NECTIN1: variants seen among roughly 807,000 people sequenced by gnomAD.
NECTIN1 encodes the protein nectin-1.
In NECTIN1, 23 loss-of-function variants were observed where a neutral mutation model predicts 48.0. That is an observed-to-expected ratio of 0.48 (90% CI 0.34 to 0.68). The LOEUF (loss-of-function observed/expected upper bound fraction) is 0.68. Among genes scored for constraint, NECTIN1 ranks in the 30% least tolerant of loss-of-function variants. NECTIN1 has a pLI of 0.01. For synonymous variants in NECTIN1, 270 were observed against 288.9 expected, an observed-to-expected ratio of 0.93 and a Z score of 0.66; for missense variants, 591 against 709.9, an observed-to-expected ratio of 0.83 and a Z score of 1.90.
intron 5 of NECTIN1, among the ~76,000 whole-genome samples, chr11:119,671,832 CG>C (rs1349611543): frequency 6.6e-6 from 1 of 152,316 alleles, no homozygotes; most frequent in African/African-American, 2.4e-5. Flanking sequence ...CCCAGAGGCA[CG>C]GATGCAGCTG....
At chr11:119,724,592 T>C (rs1356662735) in intron 1 of NECTIN1, among the ~76,000 whole-genome samples, 1 of 152,224 alleles carries the variant, frequency 6.6e-6, no homozygotes, top group African/African-American at 2.4e-5. Context: ...TTCTCAAGTC[T>C]GGACCACTCA....
At position 119,664,593 on chromosome 11, in the gene NECTIN1, T is replaced by C. The variant is rs1485376276; in HGVS notation, c.*154A>G. 5 of 1,434,108 alleles carry C rather than the reference T, an allele frequency of 3.5e-6. No homozygotes were observed. The highest frequency in any genetic ancestry group is 2.9e-5 in the African/African-American group (2 of 67,808). The allele number at this position is 1,434,108 out of a possible 1,614,324, so 88.8% of individuals were successfully genotyped here. On this transcript the variant is annotated 3_prime_UTR_variant, in exon 6 of 6. Coordinates refer to ENST00000264025, the MANE Select transcript of NECTIN1 (RefSeq NM_002855.5). ...ACACAAAGCCAAGTCGTGGCTGCCCTGGGCTCCCCTGGCCCCCCAGGAGTT... is the reference window on the plus strand; with the variant it reads ...ACACAAAGCCAAGTCGTGGCTGCCCCGGGCTCCCCTGGCCCCCCAGGAGTT...
In NECTIN1 at chr11:119,662,658, G is replaced by T; in HGVS notation, c.*2089C>A. 7 of 985,692 alleles carry T rather than the reference G, an allele frequency of 7.1e-6. No homozygotes were observed. The highest frequency in any genetic ancestry group is 7.2e-6 in the Non-Finnish European group (6 of 829,992). The allele number at this position is 985,692 out of a possible 1,614,324, so 61.1% of individuals were successfully genotyped here. On this transcript the variant is annotated 3_prime_UTR_variant, in exon 6 of 6. Coordinates refer to ENST00000264025, the MANE Select transcript of NECTIN1 (RefSeq NM_002855.5). This position sits in a 1 kb window ranked among gnomAD's most constrained non-coding sequence, Gnocchi z 5.3. ...CCTGCCTGGGGGAAAAGGGGACCAAGCAGAGGGGCCAGAGTGTTGTAAGGT... is the reference window on the plus strand; with the variant it reads ...CCTGCCTGGGGGAAAAGGGGACCAATCAGAGGGGCCAGAGTGTTGTAAGGT...
At position 119,663,949 on chromosome 11, in the gene NECTIN1, CAT is replaced by C. The variant is rs1864714043; in HGVS notation, c.*796_*797del. The C allele has an allele frequency of 5.1e-6, 5 of 986,496 alleles. No individual in the cohort carries two copies. Among genetic ancestry groups the C allele is most frequent in the Non-Finnish European group, 6.0e-6 (5 of 830,852 alleles). The allele number at this position is 986,496 out of a possible 1,614,324, so 61.1% of individuals were successfully genotyped here. On this transcript the variant is annotated 3_prime_UTR_variant, in exon 6 of 6. Transcript: ENST00000264025. The stretch of plus-strand genomic sequence containing the variant: ...AGCAGGCAGAGAGGAGCAGTGTGTG[CAT>C]GTGTGTGTGTGTGCACGTGTCAGCA...
chr11:119,690,402 G>A (rs1478150836), intron 1 of NECTIN1, among the ~76,000 whole-genome samples: 2 of 152,090 alleles, frequency 1.3e-5, no homozygotes, highest in Non-Finnish European at 1.5e-5. Flanking sequence ...ACAGACCTCC[G>A]AGCTGGGGGG....
intron 5 of NECTIN1, among the ~76,000 whole-genome samples, chr11:119,647,392 C>T (rs959985849): frequency 6.6e-5 from 10 of 152,014 alleles, no homozygotes; most frequent in South Asian, 6.2e-4. Flanking sequence ...TGAGCAAGGC[C>T]GACTCTGAAC....
rs895336287 is a variant in NECTIN1 at position 119,663,726 on chromosome 11, G to C, written c.*1021C>G. 3.0e-6 allele frequency: 3 copies of C among 985,380 alleles called. No homozygotes were observed. Among genetic ancestry groups the C allele is most frequent in the Admixed American group, 6.1e-5 (1 of 16,270 alleles). 61.0% of individuals were successfully genotyped at this position (985,380 alleles called of 1,614,324 possible). ...GTTGCTAGATAAGGGAGAAATCAGA[G>C]AAACCTCCACGCTGTAAGAAGCAGT... On this transcript the variant is annotated 3_prime_UTR_variant, in exon 6 of 6. Transcript: ENST00000264025.
chr11:119,700,850 T>A (rs964781045), intron 1 of NECTIN1, among the ~76,000 whole-genome samples: 2 of 152,084 alleles, frequency 1.3e-5, no homozygotes, highest in African/African-American at 4.8e-5. Context: ...AGAAAAGGCA[T>A]CAACTCTGCG....
rs1221143065 is a variant in NECTIN1 at position 119,663,284 on chromosome 11, C to T, written c.*1463G>A. ...GGGAGCAGATGGAGGAACTGAGGCA[C>T]TTTGAGCTGGGGGACTGAGAGGGCT... On this transcript the variant is annotated 3_prime_UTR_variant, in exon 6 of 6. Coordinates refer to ENST00000264025, the MANE Select transcript of NECTIN1 (RefSeq NM_002855.5). 1 of 985,414 alleles carries T rather than the reference C, an allele frequency of 1.0e-6. No individual in the cohort carries two copies. Among genetic ancestry groups the T allele is most frequent in the East Asian group, 1.1e-4 (1 of 8,818 alleles). The allele number at this position is 985,414 out of a possible 1,614,324, so 61.0% of individuals were successfully genotyped here.
At position 119,682,674 on chromosome 11, in the gene NECTIN1, TAA is replaced by T. The variant is rs528487734; in HGVS notation, c.80-3911_80-3910del. On this transcript the variant is annotated intron_variant, in intron 1 of 5. Coordinates refer to ENST00000264025, the MANE Select transcript of NECTIN1 (RefSeq NM_002855.5). Reference sequence around the variant, plus strand: ...CTGCCCTATAAAACTGCGTAAGGATTAAAAGAGGGAGTCCATGGGAAACTCAG... The same window carrying T: ...CTGCCCTATAAAACTGCGTAAGGATTAAGAGGGAGTCCATGGGAAACTCAG... Among the ~76,000 whole-genome samples, 13 of 152,284 alleles carry T rather than the reference TAA, an allele frequency of 8.5e-5. No homozygotes were observed. The South Asian group carries it at 2.7e-3, about 32-fold the overall frequency.
At chr11:119,685,335 C>T (rs1012588820) in intron 1 of NECTIN1, among the ~76,000 whole-genome samples, 14 of 152,236 alleles carry the variant, frequency 9.2e-5, no homozygotes, top group Admixed American at 5.9e-4. Context: ...AGCTGGCGCC[C>T]GGCGCCTTGG....
intron 5 of NECTIN1, among the ~76,000 whole-genome samples, chr11:119,653,355 A>G (rs1349102234): frequency 6.6e-6 from 1 of 152,226 alleles, no homozygotes; most frequent in Non-Finnish European, 1.5e-5. Context: ...ATTAAACTGT[A>G]GAAGGCACTG....
In NECTIN1 at chr11:119,663,597, G is replaced by GTTT. The variant is rs1864707039; in HGVS notation, c.*1149_*1150insAAA. On this transcript the variant is annotated 3_prime_UTR_variant, in exon 6 of 6. Transcript: ENST00000264025. ...TGTGTTTGCAGAGCTTCTGCCATGT[G>GTTT]GGCTTCCTTCCCCACTACCCTCCGT... 1 of 985,488 alleles carries GTTT rather than the reference G, an allele frequency of 1.0e-6. No homozygotes were observed. Among genetic ancestry groups the GTTT allele is most frequent in the Admixed American group, 6.1e-5 (1 of 16,268 alleles). 61.0% of individuals were successfully genotyped at this position (985,488 alleles called of 1,614,324 possible). A position where few individuals can be genotyped will look rare whatever the true frequency, so the allele number is the denominator to read the frequency against.
intron 5 of NECTIN1, among the ~76,000 whole-genome samples, chr11:119,647,536 C>G (rs1864414927): frequency 6.6e-6 from 1 of 152,070 alleles, no homozygotes; most frequent in Non-Finnish European, 1.5e-5. Flanking sequence ...GAGGGGGTGG[C>G]TGATCTGTCA....
rs573024807 is a variant in NECTIN1, at chr11:119,673,662, C to A, written c.1003+1497G>T. ...TGCTGTCTCCCATGTGACAGTGCCTCCCTGAGGGGTGGTCATGTTCCCTAT... is the reference window on the plus strand; with the variant it reads ...TGCTGTCTCCCATGTGACAGTGCCTACCTGAGGGGTGGTCATGTTCCCTAT... On this transcript the variant is annotated intron_variant, in intron 5 of 5. Coordinates refer to ENST00000264025, the MANE Select transcript of NECTIN1 (RefSeq NM_002855.5). The surrounding 1 kb of genome is among the most constrained non-coding windows in gnomAD (Gnocchi z 5.8). 3.3e-5 allele frequency among the ~76,000 whole-genome samples: 5 copies of A among 152,210 alleles called. No individual in the cohort carries two copies. Among genetic ancestry groups the A allele is most frequent in the Non-Finnish European group, 7.3e-5 (5 of 68,038 alleles).
intron 1 of NECTIN1, among the ~76,000 whole-genome samples, chr11:119,689,308 C>G (rs1414708151): frequency 6.6e-6 from 1 of 152,222 alleles, no homozygotes; most frequent in Non-Finnish European, 1.5e-5. Context: ...GTTCCAGCCT[C>G]GCAGCCTCAG....
At chr11:119,679,662 T>C (rs944130561) in intron 1 of NECTIN1, among the ~76,000 whole-genome samples, 1 of 151,926 alleles carries the variant, frequency 6.6e-6, no homozygotes, top group African/African-American at 2.4e-5. Flanking sequence ...TTCCTCCCAT[T>C]TATTCAGCCA....
At position 119,666,546 on chromosome 11, in the gene NECTIN1, G is replaced by C. The variant is rs544799696; in HGVS notation, c.1004-1249C>G. Among the ~76,000 whole-genome samples the C allele has an allele frequency of 2.6e-4, 40 of 152,354 alleles. No individual in the cohort carries two copies. In the South Asian group the frequency reaches 7.9e-3, roughly 30 times the overall value. Reference sequence around the variant, plus strand: ...GCCCTAAGGTGAGGCTAAGGGAAATGGTTCCTGGCACCACCACAGGGTGGC... The same window carrying C: ...GCCCTAAGGTGAGGCTAAGGGAAATCGTTCCTGGCACCACCACAGGGTGGC... On this transcript the variant is annotated intron_variant, in intron 5 of 5. Coordinates refer to ENST00000264025, the MANE Select transcript of NECTIN1 (RefSeq NM_002855.5).
chr11:119,685,884 T>C (rs906232083), intron 1 of NECTIN1, among the ~76,000 whole-genome samples: 1 of 152,136 alleles, frequency 6.6e-6, no homozygotes, highest in Non-Finnish European at 1.5e-5. Flanking sequence ...TGCTGTAAAA[T>C]GGGGAATATT....
Sources: allele counts gnomAD v4.1 joint callset (sites outside exome capture counted in the v4.1 genomes callset), GRCh38; gene constraint gnomAD v4.1.1; non-coding constraint Gnocchi (gnomAD v3.1); transcripts MANE v1.5; gene names NCBI Gene and HGNC (gene_info 2026-07-23, HGNC 2026-07-21).